The following GREB1L variants were observed in gnomAD, a reference collection of about 807,000 sequenced individuals.
The protein encoded by GREB1L is GREB1 like retinoic acid receptor coactivator.
A neutral mutation model predicts 200.8 loss-of-function variants in GREB1L; 17 were observed. That is an observed-to-expected ratio of 0.08 (90% CI 0.06 to 0.13). GREB1L has a LOEUF of 0.13. Ranked by LOEUF, GREB1L falls within the 10% of genes least tolerant of loss-of-function variation. The probability of loss-of-function intolerance (pLI) is 1.00; values close to 1 mark genes in which losing one functional copy is unlikely to be tolerated. For missense variants in GREB1L, 1,657 were observed against 2,367.7 expected, an observed-to-expected ratio of 0.70 and a Z score of 6.23; for synonymous variants, 789 against 893.0, an observed-to-expected ratio of 0.88 and a Z score of 2.08.
intron 2 of GREB1L, among the ~76,000 whole-genome samples, chr18:21,372,652 T>A (rs1313811904): frequency 6.6e-6 from 1 of 152,136 alleles, no homozygotes; most frequent in Non-Finnish European, 1.5e-5. Context: ...CCGGGTGCGG[T>A]GGCTCATGCC....
chr18:21,351,191 G>T (rs2039428035), intron 1 of GREB1L, among the ~76,000 whole-genome samples: 2 of 151,804 alleles, frequency 1.3e-5, no homozygotes, highest in South Asian at 2.1e-4. Context: ...TGCTTTCTTA[G>T]AGCCTCTAGG....
chr18:21,409,009 A>G (rs561000968), intron 7 of GREB1L, among the ~76,000 whole-genome samples: 9 of 152,278 alleles, frequency 5.9e-5, no homozygotes, highest in Admixed American at 2.6e-4. Flanking sequence ...CAACCCAGCA[A>G]TTCCACTCCC....
chr18:21,402,243 A>G (rs1192692267), intron 6 of GREB1L, among the ~76,000 whole-genome samples: 1 of 152,054 alleles, frequency 6.6e-6, no homozygotes, highest in Non-Finnish European at 1.5e-5. Flanking sequence ...AATGTCATGA[A>G]TCCTAAGAAA....
intron 1 of GREB1L, among the ~76,000 whole-genome samples, chr18:21,306,026 C>T (rs1236059256): frequency 6.6e-6 from 1 of 152,106 alleles, no homozygotes; most frequent in Non-Finnish European, 1.5e-5. Flanking sequence ...AATTTTTATC[C>T]CATTACCTTA....
At chr18:21,243,318 C>T (rs988066044) in intron 1 of GREB1L, among the ~76,000 whole-genome samples, 1 of 152,222 alleles carries the variant, frequency 6.6e-6, no homozygotes, top group Non-Finnish European at 1.5e-5. Context: ...GGAACTGCCG[C>T]TGCCTCTAAC....
intron 1 of GREB1L, among the ~76,000 whole-genome samples, chr18:21,302,558 G>C (rs2038634308): frequency 6.6e-6 from 1 of 152,162 alleles, no homozygotes; most frequent in African/African-American, 2.4e-5. Flanking sequence ...AAAGCAGAAG[G>C]ACTTCCTTAC....
intron 7 of GREB1L, among the ~76,000 whole-genome samples, chr18:21,410,218 T>G (rs1283550393): frequency 1.3e-5 from 2 of 152,118 alleles, no homozygotes; most frequent in Non-Finnish European, 2.9e-5. Context: ...TAGTATGGCT[T>G]TTAGGAAGAC....
rs189724503 is a variant in GREB1L, at chr18:21,243,604, A to C, written c.-120+1211A>C. Among the ~76,000 whole-genome samples, 306 of 152,320 alleles carry C rather than the reference A, an allele frequency of 2.0e-3. 2 individuals carry two copies. The highest frequency in any genetic ancestry group is 6.9e-3 in the African/African-American group (285 of 41,578). ...AAGGTTTTTGAACTCAGTCCCCCTT[A>C]ATAAAACCTCTCATTCATCTATATA... On this transcript the variant is annotated intron_variant, in intron 1 of 32. Coordinates refer to ENST00000424526, the MANE Select transcript of GREB1L (RefSeq NM_001142966.3).
At chr18:21,261,485 G>A (rs2037888896) in intron 1 of GREB1L, among the ~76,000 whole-genome samples, 1 of 151,900 alleles carries the variant, frequency 6.6e-6, no homozygotes, top group East Asian at 1.9e-4. Flanking sequence ...CAATAAAATA[G>A]GCCATTTGTG....
intron 15 of GREB1L, among the ~76,000 whole-genome samples, chr18:21,458,343 T>C (rs1270632343): frequency 1.3e-5 from 2 of 152,120 alleles, no homozygotes; most frequent in Non-Finnish European, 2.9e-5. Context: ...CACCAGCAGG[T>C]GCTCAACTGA....
intron 2 of GREB1L, among the ~76,000 whole-genome samples, chr18:21,379,973 T>C (rs985818482): frequency 6.6e-5 from 10 of 152,240 alleles, no homozygotes; most frequent in African/African-American, 2.2e-4. Context: ...TATATACATA[T>C]GCAACTTGTA....
At chr18:21,262,289 TG>T (rs1303344744) in intron 1 of GREB1L, among the ~76,000 whole-genome samples, 2 of 152,142 alleles carry the variant, frequency 1.3e-5, no homozygotes, top group African/African-American at 4.8e-5. Context: ...TCTTTTTTTT[TG>T]CTCCTTCTCC....
At chr18:21,304,526 AG>A (rs1193357226) in intron 1 of GREB1L, among the ~76,000 whole-genome samples, 1 of 152,038 alleles carries the variant, frequency 6.6e-6, no homozygotes, top group Non-Finnish European at 1.5e-5. Flanking sequence ...TAAAAAAAAA[AG>A]TACGTGTGAC....
intron 17 of GREB1L, 45 bp downstream of exon 17, chr18:21,477,401 T>G: frequency 7.0e-7 from 1 of 1,430,496 alleles, no homozygotes; most frequent in South Asian, 1.4e-5. Flanking sequence ...TGTTCTCAGT[T>G]CCCAAGAGGG....
intron 7 of GREB1L, among the ~76,000 whole-genome samples, chr18:21,429,106 TCTCCCTTCCTTC>T (rs1568002490): frequency 3.5e-5 from 5 of 141,472 alleles, no homozygotes; most frequent in African/African-American, 1.4e-4. Context: ...CATAAACTAT[TCTCCCTTCCTTC>T]CTTCCTTCCT....
Position 21,384,244 on chromosome 18 carries a change from G to T in GREB1L, c.196G>T (p.Val66Leu), listed in dbSNP as rs1247123774. The change falls in exon 4 of 33, where the codon GTA (valine) becomes TTA (leucine). Residue 66 changes from valine (V) to leucine (L), a missense_variant. Around this residue, in one of 9 missense-constraint regions of GREB1L, gnomAD observed 121 missense variants for 126.6 expected, o/e 0.96. Coordinates refer to ENST00000424526, the MANE Select transcript of GREB1L (RefSeq NM_001142966.3). The part of the protein sequence containing the change: ...PKVEDLDKDL[V>L]NRYTQNGSLD... The stretch of plus-strand genomic sequence containing the variant: ...GGTGGAGGATCTGGACAAAGATTTG[G>T]TAAACCGCTACACTCAAAATGGAAG... 6.4e-7 allele frequency: 1 copy of T among 1,551,358 alleles called. No individual in the cohort carries two copies. The highest frequency in any genetic ancestry group is 8.7e-7 in the Non-Finnish European group (1 of 1,146,772).
At position 21,395,464 on chromosome 18, in the gene GREB1L, G is replaced by T. The variant is rs1351207815; in HGVS notation, c.435G>T (p.Leu145=). 6.4e-6 allele frequency: 10 copies of T among 1,550,830 alleles called. No individual in the cohort carries two copies. In the East Asian group the frequency reaches 1.2e-4, roughly 19 times the overall value. ...TTGACATCCCAGCAGGATTCCTCCTGGTGGGGGCCAAGTCTCCCAATCTGC... is the reference window on the plus strand; with the variant it reads ...TTGACATCCCAGCAGGATTCCTCCTTGTGGGGGCCAAGTCTCCCAATCTGC... ...EQIDIPAGFL[L]VGAKSPNLPE... The change falls in exon 5 of 33, where the codon CTG becomes CTT. Residue 145 remains leucine, a synonymous_variant. Transcript: ENST00000424526.
intron 1 of GREB1L, among the ~76,000 whole-genome samples, chr18:21,250,985 A>C (rs2037693365): frequency 6.6e-6 from 1 of 152,174 alleles, no homozygotes; most frequent in East Asian, 1.9e-4. Context: ...AATCAATATT[A>C]ATAATCTTAC....
At chr18:21,495,841 T>C in intron 20 of GREB1L, 56 bp downstream of exon 20, 2 of 984,542 alleles carry the variant, frequency 2.0e-6, no homozygotes, top group South Asian at 3.0e-5. Flanking sequence ...GAACTGATGA[T>C]TAAAACTTGG....
Sources: gnomAD v4.1 joint callset for allele counts (sites outside exome capture counted in the v4.1 genomes callset) on GRCh38, gnomAD v4.1.1 for gene constraint, gnomAD v4.1.1 regional missense constraint, MANE v1.5 for transcripts, NCBI Gene and HGNC (gene_info 2026-07-23, HGNC 2026-07-21) for gene names.